ACACB: variants seen among roughly 807,000 people sequenced by gnomAD.
ACACB encodes the protein acetyl-CoA carboxylase beta, also known as acetyl-CoA carboxylase 2.
In ACACB, 209 loss-of-function variants were observed where a neutral mutation model predicts 278.8. The ratio of observed to expected loss-of-function variants is 0.75; its 90% confidence interval spans 0.67 to 0.84. The LOEUF is 0.84. ACACB is among the 40% of genes least tolerant of loss of function. ACACB has a pLI of 0.00. For synonymous variants in ACACB, 1,174 were observed against 1,285.6 expected (o/e 0.91, Z 1.86); for missense variants, 2,850 against 3,269.0 (o/e 0.87, Z 3.13).
intron 49 of ACACB, 78 bp from the exon 50 acceptor site, chr12:109,264,154 C>CAA (rs35795929): frequency 2.6e-4 from 356 of 1,348,280 alleles, no homozygotes; most frequent in African/African-American, 1.0e-3. Context: ...GTGCCTTCTT[C>CAA]AAAAAAAAAA....
intron 2 of ACACB, among the ~76,000 whole-genome samples, chr12:109,151,334 T>C (rs1194780245): frequency 2.0e-5 from 3 of 152,088 alleles, no homozygotes; most frequent in African/African-American, 7.2e-5. Flanking sequence ...TGTCTTTGAG[T>C]TGTTCTTGTA....
chr12:109,230,777 G>C (rs76573752), intron 28 of ACACB, among the ~76,000 whole-genome samples: 2 of 152,154 alleles, frequency 1.3e-5, no homozygotes, highest in African/African-American at 4.8e-5. Context: ...GTTAGGAAGG[G>C]AAGGGCGGCT....
At chr12:109,159,596 G>A (rs1016787764) in intron 2 of ACACB, among the ~76,000 whole-genome samples, 8 of 152,138 alleles carry the variant, frequency 5.3e-5, no homozygotes, top group South Asian at 4.1e-4. Flanking sequence ...GAGGATGGCC[G>A]CAGTCTACCA....
chr12:109,128,999 G>C (rs1391339235), intron 1 of ACACB, among the ~76,000 whole-genome samples: 1 of 151,834 alleles, frequency 6.6e-6, no homozygotes, highest in African/African-American at 2.4e-5. Context: ...CTGGACACAG[G>C]CCAGGCACAG....
Position 109,137,973 on chromosome 12 carries a change from A to G in ACACB, c.-9-1424A>G, listed in dbSNP as rs1483955031. 3.3e-5 allele frequency among the ~76,000 whole-genome samples: 5 copies of G among 151,460 alleles called. No individual in the cohort carries two copies. In the South Asian group the frequency reaches 1.0e-3, roughly 31 times the overall value. On this transcript the variant is annotated intron_variant, in intron 1 of 52. Coordinates refer to ENST00000338432, the MANE Select transcript of ACACB (RefSeq NM_001093.4). ...GAATGCAGTTGCATGATCTCAGCTCACTGCAACCTCCACCTCCAGGTTCAA... is the reference window on the plus strand; with the variant it reads ...GAATGCAGTTGCATGATCTCAGCTCGCTGCAACCTCCACCTCCAGGTTCAA...
chr12:109,119,237 G>A (rs944619369), intron 1 of ACACB, among the ~76,000 whole-genome samples: 3 of 152,086 alleles, frequency 2.0e-5, no homozygotes, highest in African/African-American at 7.2e-5. Flanking sequence ...CTGCTCTCTG[G>A]GCTCATACCT....
intron 16 of ACACB, among the ~76,000 whole-genome samples, chr12:109,194,558 G>T (rs1182017572): frequency 1.9e-5 from 1 of 51,908 alleles, no homozygotes; most frequent in Non-Finnish European, 4.8e-5. Flanking sequence ...GTTTACATTG[G>T]CCTCCCAAAG....
rs1186620581 is a variant in ACACB, at chr12:109,210,281, ACATATC to A, written c.3249+929_3249+934del. Among the ~76,000 whole-genome samples the A allele has an allele frequency of 6.4e-3, 223 of 34,866 alleles. 3 individuals are homozygous for A. Among genetic ancestry groups the A allele is most frequent in the East Asian group, 0.041 (26 of 630 alleles). The allele number at this position is 34,866 out of a possible 152,430, so 22.9% of individuals were successfully genotyped here. ...TGTGTGTATATGTACATATACACAC[ACATATC>A]TGTGTGTATATGTATATATACACAC... On this transcript the variant is annotated intron_variant, in intron 21 of 52. Coordinates refer to ENST00000338432, the MANE Select transcript of ACACB (RefSeq NM_001093.4).
intron 24 of ACACB, 84 bp from the exon 25 acceptor site, chr12:109,222,423 C>T (rs931129247): frequency 2.3e-6 from 3 of 1,277,674 alleles, no homozygotes; most frequent in East Asian, 2.3e-5. Flanking sequence ...GCTTTTGCGG[C>T]AGGTGCTCCC....
chr12:109,240,973 G>A (rs1017892758), intron 35 of ACACB, 105 bp from the exon 36 acceptor site: 149 of 1,102,628 alleles, frequency 1.4e-4, no homozygotes, highest in Middle Eastern at 3.0e-4. Context: ...TGTCCCAGGC[G>A]TTTTTGCAGT....
At chr12:109,143,462 C>A (rs865809041) in intron 2 of ACACB, among the ~76,000 whole-genome samples, 286 of 103,890 alleles carry the variant, frequency 2.8e-3, no homozygotes, top group Middle Eastern at 0.011. Flanking sequence ...GACCCTGTCT[C>A]AAAAAAAAAA....
At chr12:109,204,436 A>C (rs1319323282) in intron 19 of ACACB, among the ~76,000 whole-genome samples, 1 of 151,718 alleles carries the variant, frequency 6.6e-6, no homozygotes, top group Non-Finnish European at 1.5e-5. Flanking sequence ...CACTATGCCC[A>C]GCTAATTTTT....
chr12:109,252,180 G>C, intron 42 of ACACB, 24 bp downstream of exon 42: 2 of 1,534,352 alleles, frequency 1.3e-6, no homozygotes, highest in Non-Finnish European at 1.8e-6. Context: ...GGCCTGTGCA[G>C]AGTGGATCCT....
chr12:109,241,054 T>G (rs1470277969), intron 35 of ACACB, 24 bp from the exon 36 acceptor site: 15 of 1,608,824 alleles, frequency 9.3e-6, no homozygotes, highest in Admixed American at 6.7e-5. Flanking sequence ...GCCCTGAAAC[T>G]GGAATTGCTG....
chr12:109,231,974 C>T (rs938164955), intron 28 of ACACB, among the ~76,000 whole-genome samples: 5 of 152,342 alleles, frequency 3.3e-5, no homozygotes, highest in South Asian at 2.1e-4. Context: ...CTTCAGGGAA[C>T]GATAGGAACC....
At chr12:109,167,788 G>A (rs1038110147) in intron 3 of ACACB, 108 bp from the exon 4 acceptor site, 2 of 1,523,432 alleles carry the variant, frequency 1.3e-6, no homozygotes, top group Admixed American at 1.8e-5. Context: ...ATGATGTGCT[G>A]CGGGGGCTGC....
intron 1 of ACACB, among the ~76,000 whole-genome samples, chr12:109,133,853 ATATATATATATTT>A (rs1351304454): frequency 6.2e-5 from 3 of 48,226 alleles, no homozygotes; most frequent in African/African-American, 2.9e-4. Context: ...ATATATATAT[ATATATATATATTT>A]TTTTTTTTTT....
chr12:109,233,290 G>A (rs2046532130), intron 29 of ACACB, among the ~76,000 whole-genome samples: 1 of 152,196 alleles, frequency 6.6e-6, no homozygotes, highest in Non-Finnish European at 1.5e-5. Context: ...AATAGTTACT[G>A]TTATAGTCTT....
At chr12:109,193,872 G>A (rs1236593977) in intron 16 of ACACB, 143 bp downstream of exon 16, 11 of 704,414 alleles carry the variant, frequency 1.6e-5, no homozygotes, top group East Asian at 2.8e-5. Context: ...CATGTAGTCC[G>A]TGACCTTGAC....
Sources: allele counts gnomAD v4.1 joint callset (sites outside exome capture counted in the v4.1 genomes callset), GRCh38; gene constraint gnomAD v4.1.1; transcripts MANE v1.5; gene names NCBI Gene and HGNC (gene_info 2026-07-23, HGNC 2026-07-21).